TRAPPC10: variants seen among roughly 807,000 people sequenced by gnomAD.
The protein encoded by TRAPPC10 is TRAPP 130 kDa subunit.
TRAPPC10 carries 23 observed loss-of-function variants against 125.5 expected under a neutral mutation model. The observed-to-expected ratio is 0.18, with a 90% CI of 0.13 to 0.26. The LOEUF (loss-of-function observed/expected upper bound fraction) is 0.26, where lower values mean the gene tolerates loss of function less well. TRAPPC10 is among the 10% of genes least tolerant of loss of function. The probability of loss-of-function intolerance (pLI) is 1.00; values close to 1 mark genes in which losing one functional copy is unlikely to be tolerated. For missense variants in TRAPPC10, 1,123 were observed against 1,308.4 expected (o/e 0.86, Z 2.19); for synonymous variants, 509 against 518.0 (o/e 0.98, Z 0.24).
At chr21:44,064,388 C>T (rs1290704667) in intron 7 of TRAPPC10, among the ~76,000 whole-genome samples, 6 of 152,032 alleles carry the variant, frequency 3.9e-5, no homozygotes, top group African/African-American at 1.2e-4. Flanking sequence ...GATAAATTCA[C>T]CCAAGCACTG....
At chr21:44,014,592 T>TG (rs2031593519) in intron 1 of TRAPPC10, among the ~76,000 whole-genome samples, 1 of 120,954 alleles carries the variant, frequency 8.3e-6, no homozygotes, top group African/African-American at 5.7e-5. Context: ...TGTTTGTTTT[T>TG]GTTTTTTTTT....
chr21:44,095,427 G>A (rs913373325), intron 20 of TRAPPC10, among the ~76,000 whole-genome samples: 3 of 150,584 alleles, frequency 2.0e-5, no homozygotes, highest in Admixed American at 6.6e-5. Context: ...TTGTAGAGGC[G>A]GTGTTTCTCC....
chr21:44,091,158 C>T (rs895099136), intron 18 of TRAPPC10, among the ~76,000 whole-genome samples: 63 of 152,056 alleles, frequency 4.1e-4, no homozygotes, highest in Non-Finnish European at 8.2e-4. Context: ...GCCATTGCAC[C>T]CCAGCCTGGG....
intron 2 of TRAPPC10, among the ~76,000 whole-genome samples, chr21:44,032,966 G>A (rs1313483543): frequency 6.6e-6 from 1 of 152,196 alleles, no homozygotes; most frequent in Non-Finnish European, 1.5e-5. Context: ...TAAAAATTAG[G>A]AGCGAGGTTA....
At chr21:44,080,248 C>A in intron 13 of TRAPPC10, 121 bp downstream of exon 13, 1 of 844,506 alleles carries the variant, frequency 1.2e-6, no homozygotes, top group Non-Finnish European at 1.9e-6. Context: ...GTGTAGCTGA[C>A]ATGTATCTAT....
intron 7 of TRAPPC10, among the ~76,000 whole-genome samples, chr21:44,067,730 T>G (rs1391532410): frequency 6.6e-6 from 1 of 152,098 alleles, no homozygotes; most frequent in Non-Finnish European, 1.5e-5. Context: ...GAAAGGCAGC[T>G]TTGCCGGATG....
intron 1 of TRAPPC10, among the ~76,000 whole-genome samples, chr21:44,022,047 CTT>C (rs761333663): frequency 6.9e-6 from 1 of 144,220 alleles, no homozygotes. Flanking sequence ...AAATTTCTTT[CTT>C]TTTTTTTTTC....
At chr21:44,034,339 C>A (rs1302097904) in intron 2 of TRAPPC10, among the ~76,000 whole-genome samples, 3 of 142,756 alleles carry the variant, frequency 2.1e-5, no homozygotes, top group Non-Finnish European at 3.1e-5. Context: ...CCAACCCCCC[C>A]CCCCACCCCC....
chr21:44,035,086 G>A (rs144274570), intron 2 of TRAPPC10, among the ~76,000 whole-genome samples: 47 of 152,372 alleles, frequency 3.1e-4, no homozygotes, highest in African/African-American at 1.1e-3. Context: ...GGTACTTGGT[G>A]TAGTTTGGAT....
intron 1 of TRAPPC10, among the ~76,000 whole-genome samples, chr21:44,015,141 T>G (rs550276008): frequency 1.3e-5 from 2 of 152,230 alleles, no homozygotes; most frequent in Non-Finnish European, 2.9e-5. Context: ...TTTTAAATTC[T>G]TACTTGAAAT....
intron 1 of TRAPPC10, among the ~76,000 whole-genome samples, chr21:44,031,716 C>T (rs1457351314): frequency 2.6e-5 from 4 of 152,200 alleles, no homozygotes; most frequent in African/African-American, 9.7e-5. Flanking sequence ...GTTTCTTTTT[C>T]TCCATGGATT....
intron 11 of TRAPPC10, 61 bp from the exon 12 acceptor site, chr21:44,079,503 G>C: frequency 6.5e-7 from 1 of 1,542,914 alleles, no homozygotes; most frequent in African/African-American, 1.4e-5. Context: ...GGAGAGATGG[G>C]GTTTCAGTGT....
intron 1 of TRAPPC10, among the ~76,000 whole-genome samples, chr21:44,023,047 T>A (rs2032701673): frequency 6.8e-6 from 1 of 146,032 alleles, no homozygotes. Context: ...TTTTTTTTTT[T>A]TTTGAGACAG....
chr21:44,076,607 A>C lies in TRAPPC10; in HGVS notation c.1356A>C (p.Glu452Asp). 3 of 1,613,960 alleles carry C rather than the reference A, an allele frequency of 1.9e-6. No homozygotes were observed. Among genetic ancestry groups the C allele is most frequent in the Non-Finnish European group, 2.5e-6 (3 of 1,179,832 alleles). The change falls in exon 10 of 23, where the codon GAA becomes GAC. Residue 452 changes from glutamate to aspartate, a missense_variant. Coordinates refer to ENST00000291574, the MANE Select transcript of TRAPPC10 (RefSeq NM_003274.5). ...TGAAAGAAGCATTATCGTCAGTGGAAGCTTTTGAAAAACACTACTTAGTAA... is the reference window on the plus strand; with the variant it reads ...TGAAAGAAGCATTATCGTCAGTGGACGCTTTTGAAAAACACTACTTAGTAA... ...KKLKEALSSVEAFEKHYLDLS... is the reference protein window; with the variant it reads ...KKLKEALSSVDAFEKHYLDLS...
chr21:44,086,839 C>G lies in TRAPPC10; in HGVS notation c.2418C>G (p.Phe806Leu). The G allele has an allele frequency of 6.2e-7, 1 of 1,614,184 alleles. No homozygotes were observed. Among genetic ancestry groups the G allele is most frequent in the Middle Eastern group, 1.6e-4 (1 of 6,062 alleles). ...LLAGIPQRVK[F>L]TVTTGHYTIK... is the part of the protein sequence containing the mutation. The stretch of plus-strand genomic sequence containing the variant: ...CAGGCATTCCTCAGAGAGTCAAGTT[C>G]ACTGTCACTACCGGCCATTATACGA... The change falls in exon 16 of 23, where the codon TTC (phenylalanine) becomes TTG (leucine). Residue 806 changes from phenylalanine to leucine, a missense_variant. By Grantham distance (22) the Phe-to-Leu change is conservative. Transcript: ENST00000291574.
chr21:44,046,509 T>G (rs1244371446), intron 3 of TRAPPC10: 4 of 167,086 alleles, frequency 2.4e-5, no homozygotes, highest in Non-Finnish European at 3.5e-5. Context: ...CCTTTAAGTT[T>G]TTTTTTTTTT....
chr21:44,066,028 T>C (rs542851617), intron 7 of TRAPPC10, among the ~76,000 whole-genome samples: 1 of 152,116 alleles, frequency 6.6e-6, no homozygotes, highest in Non-Finnish European at 1.5e-5. Flanking sequence ...TAGTTTTTAC[T>C]CCAGTCTAGT....
intron 7 of TRAPPC10, among the ~76,000 whole-genome samples, chr21:44,070,607 TG>T (rs1334412482): frequency 6.6e-6 from 1 of 152,266 alleles, no homozygotes; most frequent in African/African-American, 2.4e-5. Context: ...GCCCATTTTC[TG>T]TGTCGGCCAC....
At chr21:44,058,789 C>T (rs532614576) in intron 5 of TRAPPC10, among the ~76,000 whole-genome samples, 1 of 152,312 alleles carries the variant, frequency 6.6e-6, no homozygotes, top group African/African-American at 2.4e-5. Context: ...GAGGGAGCCA[C>T]AGTGAGGGGC....
Sources: gnomAD v4.1 joint callset for allele counts (sites outside exome capture counted in the v4.1 genomes callset) on GRCh38, gnomAD v4.1.1 for gene constraint, MANE v1.5 for transcripts, NCBI Gene and HGNC (gene_info 2026-07-23, HGNC 2026-07-21) for gene names.